The following NIPAL1 variants were observed in gnomAD, a reference collection of about 807,000 sequenced individuals.
NIPAL1 encodes NIPA like domain containing 1.
Under a neutral mutation model 37.7 loss-of-function variants are expected in NIPAL1, and 35 were observed. That is an observed-to-expected ratio of 0.93 (90% CI 0.71 to 1.23). The LOEUF (loss-of-function observed/expected upper bound fraction) is 1.23. Ranked by LOEUF, NIPAL1 falls within the 50% of genes most tolerant of loss-of-function variation. The probability of loss-of-function intolerance (pLI) is 0.00; values close to 1 mark genes in which losing one functional copy is unlikely to be tolerated. For missense variants in NIPAL1, 412 were observed against 473.9 expected (o/e 0.87, Z 1.21); for synonymous variants, 162 against 183.0 (o/e 0.89, Z 0.93).
At position 48,039,676 on chromosome 4, in the gene NIPAL1, C is replaced by A. The variant is rs892396178; in HGVS notation, c.*3504C>A. 6.6e-6 allele frequency: 1 copy of A among 152,266 alleles called. No individual in the cohort carries two copies. The highest frequency in any genetic ancestry group is 2.1e-4 in the South Asian group (1 of 4,832). The allele number at this position is 152,266 out of a possible 1,614,324, so 9.4% of individuals were successfully genotyped here. A position where few individuals can be genotyped will look rare whatever the true frequency, so the allele number is the denominator to read the frequency against. On this transcript the variant is annotated 3_prime_UTR_variant, in exon 6 of 6. Transcript: ENST00000295461. Reference sequence around the variant, plus strand: ...TTTTCATAAGACCCTTTGGATTTAGCACATGAAATTAACACATATTTTAAA... The same window carrying A: ...TTTTCATAAGACCCTTTGGATTTAGAACATGAAATTAACACATATTTTAAA...
chr4:48,032,826 T>C (rs1261270884), intron 3 of NIPAL1, among the ~76,000 whole-genome samples, 167 bp from the exon 4 acceptor site: 1 of 152,256 alleles, frequency 6.6e-6, no homozygotes, highest in Non-Finnish European at 1.5e-5. Flanking sequence ...CTGCATCTCT[T>C]AATATTAATT....
chr4:48,022,528 T>G (rs1471353768), intron 1 of NIPAL1, among the ~76,000 whole-genome samples: 1 of 151,908 alleles, frequency 6.6e-6, no homozygotes, highest in Non-Finnish European at 1.5e-5. Flanking sequence ...GAAGGAATAT[T>G]GTTTCACTGG....
At position 48,037,011 on chromosome 4, in the gene NIPAL1, C is replaced by G. The variant is rs1715966841; in HGVS notation, c.*839C>G. The G allele has an allele frequency of 6.4e-6, 1 of 157,174 alleles. No individual in the cohort carries two copies. Among genetic ancestry groups the G allele is most frequent in the Non-Finnish European group, 1.4e-5 (1 of 71,278 alleles). 9.7% of individuals were successfully genotyped at this position (157,174 alleles called of 1,614,324 possible). A position where few individuals can be genotyped will look rare whatever the true frequency, so the allele number is the denominator to read the frequency against. On this transcript the variant is annotated 3_prime_UTR_variant, in exon 6 of 6. Coordinates refer to ENST00000295461, the MANE Select transcript of NIPAL1 (RefSeq NM_207330.3). The stretch of plus-strand genomic sequence containing the variant: ...GAAGTGAAACCACGGGTGCTTTGTT[C>G]TTCCTTCTGCACCTCCTTCTTAAAC...
chr4:48,036,456 G>T lies in NIPAL1; in HGVS notation c.*284G>T. 2.8e-6 allele frequency: 1 copy of T among 356,572 alleles called. No homozygotes were observed. Among genetic ancestry groups the T allele is most frequent in the Non-Finnish European group, 5.0e-6 (1 of 198,070 alleles). 22.1% of individuals were successfully genotyped at this position (356,572 alleles called of 1,614,324 possible). A position where few individuals can be genotyped will look rare whatever the true frequency, so the allele number is the denominator to read the frequency against. ...TCCTTCTTCTGGTCACAGTATCTTTGTCTCTGCCAGGTGGCTCTTCATTTC... is the reference window on the plus strand; with the variant it reads ...TCCTTCTTCTGGTCACAGTATCTTTTTCTCTGCCAGGTGGCTCTTCATTTC... On this transcript the variant is annotated 3_prime_UTR_variant, in exon 6 of 6. Transcript: ENST00000295461.
chr4:48,023,845 G>A (rs1444162415), intron 1 of NIPAL1, among the ~76,000 whole-genome samples: 3 of 151,946 alleles, frequency 2.0e-5, no homozygotes, highest in African/African-American at 7.3e-5. Context: ...AGGACAAAGT[G>A]GATTAACAGA....
At chr4:48,032,220 G>A (rs552111884) in intron 3 of NIPAL1, among the ~76,000 whole-genome samples, 14 of 152,304 alleles carry the variant, frequency 9.2e-5, no homozygotes, top group African/African-American at 3.1e-4. Flanking sequence ...TCTACAATAA[G>A]CATTTGCCTG....
intron 1 of NIPAL1, among the ~76,000 whole-genome samples, chr4:48,017,859 T>TAC (rs1443635626): frequency 2.1e-5 from 1 of 46,824 alleles, no homozygotes; most frequent in Non-Finnish European, 7.0e-5. Context: ...ATAGTTCCCT[T>TAC]ACACATATAT....
intron 1 of NIPAL1, 95 bp downstream of exon 1, chr4:48,016,980 GCT>G (rs1715430751): frequency 9.6e-7 from 1 of 1,040,962 alleles, no homozygotes; most frequent in Non-Finnish European, 1.4e-6. Flanking sequence ...GGAAAGGGGG[GCT>G]GTACCGACTC....
At chr4:48,033,132 GATAAACTTAAACC>G (rs1715858419) in intron 4 of NIPAL1, 49 bp downstream of exon 4, 1 of 1,179,286 alleles carries the variant, frequency 8.5e-7, no homozygotes, top group East Asian at 2.3e-5. Context: ...TTAAGACCAA[GATAAACTTAAACC>G]ATAATAAACA....
chr4:48,021,897 A>G (rs908141696), intron 1 of NIPAL1, among the ~76,000 whole-genome samples: 2 of 151,166 alleles, frequency 1.3e-5, no homozygotes, highest in Non-Finnish European at 2.9e-5. Context: ...GTGTATATAT[A>G]TATATATTTA....
At position 48,034,926 on chromosome 4, in the gene NIPAL1, T is replaced by A; in HGVS notation, c.507T>A (p.His169Gln). The change falls in exon 5 of 6, where the codon CAT (histidine) becomes CAA (glutamine). Residue 169 changes from histidine (H) to glutamine (Q), a missense_variant. His to Gln is a conservative substitution (Grantham distance 24, BLOSUM62 0). Transcript: ENST00000295461. ...SYFLNEHLNI[H>Q]GKIGCILSIL... is the part of the protein sequence containing the mutation. ...TTTTAAACGAGCACTTGAACATTCA[T>A]GGGAAAATAGGCTGCATATTAAGTA... The A allele has an allele frequency of 6.8e-6, 11 of 1,613,332 alleles. No individual in the cohort carries two copies. Among genetic ancestry groups the A allele is most frequent in the Non-Finnish European group, 9.3e-6 (11 of 1,179,304 alleles).
chr4:48,030,972 T>G (rs1715806573), intron 3 of NIPAL1, among the ~76,000 whole-genome samples: 1 of 152,230 alleles, frequency 6.6e-6, no homozygotes, highest in Non-Finnish European at 1.5e-5. Context: ...TAATAAATGG[T>G]GGAATCTAAA....
chr4:48,030,262 G>C (rs575947054), intron 3 of NIPAL1, 86 bp downstream of exon 3: 1 of 833,154 alleles, frequency 1.2e-6, no homozygotes, highest in East Asian at 2.6e-5. Context: ...TAATCTTCCT[G>C]TCAAGAATGG....
rs375547481 is a variant in NIPAL1, at chr4:48,025,172, T to C, written c.151T>C (p.Tyr51His). The stretch of plus-strand genomic sequence containing the variant: ...TCCTGTGCTCTACACGGACCTGAAT[T>C]ACAGCATAAACAACTTGAGCATTTC... ...ASPVLYTDLN[Y>H]SINNLSISAN... The change falls in exon 2 of 6, where the codon TAC (tyrosine) becomes CAC (histidine). Residue 51 changes from tyrosine to histidine, a missense_variant. Transcript: ENST00000295461. 2.5e-5 allele frequency: 41 copies of C among 1,614,098 alleles called. No individual in the cohort carries two copies. The highest frequency in any genetic ancestry group is 3.4e-5 in the Non-Finnish European group (40 of 1,180,030).
At chr4:48,018,983 T>C (rs1293794639) in intron 1 of NIPAL1, among the ~76,000 whole-genome samples, 2 of 152,206 alleles carry the variant, frequency 1.3e-5, no homozygotes, top group Admixed American at 6.5e-5. Context: ...CCAGTTGAAC[T>C]TCCATGAAGA....
chr4:48,033,124 A>G (rs370123163), intron 4 of NIPAL1, 41 bp downstream of exon 4: 50 of 1,254,674 alleles, frequency 4.0e-5, no homozygotes, highest in Admixed American at 5.3e-5. Context: ...TAGGTATTTT[A>G]AGACCAAGAT....
chr4:48,022,526 AT>A (rs1157671675), intron 1 of NIPAL1, among the ~76,000 whole-genome samples: 4 of 151,866 alleles, frequency 2.6e-5, no homozygotes, highest in Non-Finnish European at 5.9e-5. Context: ...TAGAAGGAAT[AT>A]TGTTTCACTG....
chr4:48,021,869 G>T (rs1442429647), intron 1 of NIPAL1, among the ~76,000 whole-genome samples: 2 of 144,442 alleles, frequency 1.4e-5, no homozygotes, highest in Admixed American at 7.2e-5. Flanking sequence ...TCTTAAACTG[G>T]CTGGTTGATA....
chr4:48,022,406 CA>C (rs1251510559), intron 1 of NIPAL1, among the ~76,000 whole-genome samples: 1 of 152,186 alleles, frequency 6.6e-6, no homozygotes, highest in Non-Finnish European at 1.5e-5. Context: ...TCATGCCTGC[CA>C]GTTGCAATGA....
Sources: allele counts gnomAD v4.1 joint callset (sites outside exome capture counted in the v4.1 genomes callset), GRCh38; gene constraint gnomAD v4.1.1; transcripts MANE v1.5; gene names NCBI Gene and HGNC (gene_info 2026-07-23, HGNC 2026-07-21).